ANKAR: variants seen among roughly 807,000 people sequenced by gnomAD.
The protein encoded by ANKAR is ankyrin and armadillo repeat containing, also known as ankyrin and armadillo repeat-containing protein.
Under a neutral mutation model 146.2 loss-of-function variants are expected in ANKAR, and 136 were observed. That is an observed-to-expected ratio of 0.93 (90% CI 0.81 to 1.07). The LOEUF (loss-of-function observed/expected upper bound fraction) is 1.07. Ranked by LOEUF, ANKAR falls within the 50% of genes least tolerant of loss-of-function variation. The pLI, the probability that ANKAR is intolerant of heterozygous loss-of-function variation, is 0.00. For synonymous variants in ANKAR, 500 were observed against 575.8 expected (o/e 0.87, Z 1.88); for missense variants, 1,567 against 1,679.9 (o/e 0.93, Z 1.18).
At chr2:189,720,856 C>G in intron 12 of ANKAR, 69 bp downstream of exon 12, 1 of 1,264,882 alleles carries the variant, frequency 7.9e-7, no homozygotes, top group Non-Finnish European at 1.0e-6. Context: ...TGGGATTGGA[C>G]TTGTCCTATA....
intron 5 of ANKAR, among the ~76,000 whole-genome samples, chr2:189,693,842 A>G (rs2036800319): frequency 6.6e-6 from 1 of 151,972 alleles, no homozygotes; most frequent in Non-Finnish European, 1.5e-5. Context: ...TACACCTCCT[A>G]GGTTCAAGTG....
At chr2:189,752,508 C>T (rs984163053) in intron 18 of ANKAR, 1 of 751,534 alleles carries the variant, frequency 1.3e-6, no homozygotes, top group African/African-American at 1.8e-5. Context: ...TGGTATCAAC[C>T]TTAACTAGGT....
rs2042318892 is a variant in ANKAR, at chr2:189,730,609, G to A, written c.3300+8G>A. ...CCTTCTCCTAACATTAAGGTATAAA[G>A]GTTTACATTGTTTTCTGATATGGTA... On this transcript the variant is annotated splice_region_variant and intron_variant, in intron 16 of 22. Transcript: ENST00000684021. 7 of 1,437,194 alleles carry A rather than the reference G, an allele frequency of 4.9e-6. No homozygotes were observed. Among genetic ancestry groups the A allele is most frequent in the Non-Finnish European group, 6.6e-6 (7 of 1,057,462 alleles). The allele number at this position is 1,437,194 out of a possible 1,614,324, so 89.0% of individuals were successfully genotyped here.
At chr2:189,735,011 A>C (rs1225094) in intron 17 of ANKAR, among the ~76,000 whole-genome samples, 2 of 149,578 alleles carry the variant, frequency 1.3e-5, no homozygotes, top group Non-Finnish European at 3.0e-5. Context: ...AGTAAAAAAA[A>C]ATATATATAT....
chr2:189,718,312 A>C (rs56994689), intron 10 of ANKAR, among the ~76,000 whole-genome samples: 13 of 49,862 alleles, frequency 2.6e-4, no homozygotes, highest in East Asian at 7.3e-4. Context: ...CTATCTATAT[A>C]TCTATCTGTC....
chr2:189,708,862 A>G (rs191900640), intron 9 of ANKAR, among the ~76,000 whole-genome samples: 2 of 152,260 alleles, frequency 1.3e-5, no homozygotes, highest in Admixed American at 1.3e-4. Context: ...TAAGGAAATT[A>G]TTAGGCCAAG....
rs1019209712 is a variant in ANKAR at position 189,689,767 on chromosome 2, A to G, written c.842A>G (p.Asp281Gly). ...NAIKYNQDYL[D>G]ICTYQRLQQR... Reference sequence around the variant, plus strand: ...ATAAAATATAATCAGGATTATCTTGATATCTGTACCTACCAGAGACTACAG... The same window carrying G: ...ATAAAATATAATCAGGATTATCTTGGTATCTGTACCTACCAGAGACTACAG... The change falls in exon 3 of 23, where the codon GAT becomes GGT. Residue 281 changes from aspartate (D) to glycine (G), a missense_variant. By Grantham distance (94) the Asp-to-Gly change is moderately conservative. Coordinates refer to ENST00000684021, the MANE Select transcript of ANKAR (RefSeq NM_001378068.1). 8.1e-6 allele frequency: 13 copies of G among 1,612,138 alleles called. No homozygotes were observed. The African/African-American group carries it at 1.7e-4, about 22-fold the overall frequency.
rs2033816079 is a variant in ANKAR at position 189,677,106 on chromosome 2, CA to C, written c.601+16del. 1 of 1,452,040 alleles carries C rather than the reference CA, an allele frequency of 6.9e-7. No individual in the cohort carries two copies. Among genetic ancestry groups the C allele is most frequent in the Admixed American group, 2.8e-5 (1 of 35,444 alleles). The allele number at this position is 1,452,040 out of a possible 1,614,324, so 89.9% of individuals were successfully genotyped here. The stretch of plus-strand genomic sequence containing the variant: ...TAGTTCAGCAGGTAAGAGAATTTAA[CA>C]CTTCTTAAATTTTTTTTTTTTTTTT... On this transcript the variant is annotated intron_variant, in intron 2 of 22. Transcript: ENST00000684021.
intron 8 of ANKAR, 60 bp downstream of exon 8, chr2:189,705,284 A>C: frequency 1.3e-6 from 2 of 1,509,460 alleles, no homozygotes; most frequent in Non-Finnish European, 1.8e-6. Flanking sequence ...ATAAAAAAAA[A>C]AGAAGAAAGA....
intron 18 of ANKAR, chr2:189,755,608 G>A: frequency 6.5e-7 from 1 of 1,543,810 alleles, no homozygotes; most frequent in African/African-American, 1.4e-5. Context: ...TTGTAAAAAT[G>A]AAGAAAAATG....
At position 189,676,783 on chromosome 2, in the gene ANKAR, G is replaced by A; in HGVS notation, c.293G>A (p.Arg98Lys). 6.2e-7 allele frequency: 1 copy of A among 1,614,168 alleles called. No homozygotes were observed. The highest frequency in any genetic ancestry group is 8.5e-7 in the Non-Finnish European group (1 of 1,180,034). ...PVDPTALLDYREVHQMIRELA... is the reference protein window; with the variant it reads ...PVDPTALLDYKEVHQMIRELA... ...GACCCTACTGCCCTCTTAGACTATA[G>A]AGAGGTCCATCAAATGATAAGAGAG... Residue 98 changes from arginine (R) to lysine (K), a missense_variant, in exon 2 of 23, where the codon AGA (arginine) becomes AAA (lysine). Coordinates refer to ENST00000684021, the MANE Select transcript of ANKAR (RefSeq NM_001378068.1).
At chr2:189,711,237 T>A in intron 10 of ANKAR, 84 bp downstream of exon 10, 1 of 1,077,484 alleles carries the variant, frequency 9.3e-7, no homozygotes, top group African/African-American at 1.7e-5. Context: ...AATATATTTT[T>A]AATTGTAAAG....
chr2:189,696,390 C>T, intron 7 of ANKAR, 21 bp downstream of exon 7: 1 of 1,596,532 alleles, frequency 6.3e-7, no homozygotes, highest in African/African-American at 1.4e-5. Context: ...GTTTTTTAAC[C>T]TAAAATGTTG....
intron 7 of ANKAR, among the ~76,000 whole-genome samples, chr2:189,700,508 A>G (rs761975772): frequency 1.1e-4 from 17 of 152,260 alleles, no homozygotes; most frequent in Non-Finnish European, 2.1e-4. Context: ...TAGAGTATCC[A>G]TCACCTCAAG....
At chr2:189,688,996 C>T (rs78255907) in intron 2 of ANKAR, among the ~76,000 whole-genome samples, 2,830 of 152,146 alleles carry the variant, frequency 0.019, 86 homozygotes, top group African/African-American at 0.064. Context: ...GTGAACGGGC[C>T]GTAATTCTTT....
At position 189,733,104 on chromosome 2, in the gene ANKAR, T is replaced by G; in HGVS notation, c.3301-3T>G. ...AAGTAATTTCTGAAAACCACATGTTTAGGTTGAAGTGGCATTTTCCTTGGC... is the reference window on the plus strand; with the variant it reads ...AAGTAATTTCTGAAAACCACATGTTGAGGTTGAAGTGGCATTTTCCTTGGC... On this transcript the variant is annotated splice_polypyrimidine_tract_variant and splice_region_variant and intron_variant, in intron 16 of 22. Transcript: ENST00000684021. 6.3e-7 allele frequency: 1 copy of G among 1,598,950 alleles called. No homozygotes were observed.
chr2:189,713,888 C>A (rs2040042495), intron 10 of ANKAR, among the ~76,000 whole-genome samples: 1 of 152,144 alleles, frequency 6.6e-6, no homozygotes, highest in African/African-American at 2.4e-5. Flanking sequence ...CAGAGACACA[C>A]ATAGGCTCAA....
rs780626410 is a variant in ANKAR at position 189,696,285 on chromosome 2, C to T, written c.1624C>T (p.Leu542=). The T allele has an allele frequency of 6.2e-6, 10 of 1,613,996 alleles. No individual in the cohort carries two copies. In the South Asian group the frequency reaches 1.1e-4, roughly 18 times the overall value. The change falls in exon 7 of 23, where the codon CTG becomes TTG. Residue 542 remains leucine, a synonymous_variant. Transcript: ENST00000684021. ...TTATACTATTTTTCATCATGCTGCC[C>T]TGCACAACAGAGTTTCTATTATATG... The part of the protein sequence containing the change: ...AGYTIFHHAA[L]HNRVSIICQL...
At chr2:189,751,930 G>A (rs2045327841) in intron 18 of ANKAR, among the ~76,000 whole-genome samples, 1 of 151,276 alleles carries the variant, frequency 6.6e-6, no homozygotes, top group Non-Finnish European at 1.5e-5. Context: ...TGGATCACTT[G>A]AGGCCTGGAG....
Sources: gnomAD v4.1 joint callset for allele counts (sites outside exome capture counted in the v4.1 genomes callset) on GRCh38, gnomAD v4.1.1 for gene constraint, MANE v1.5 for transcripts, NCBI Gene and HGNC (gene_info 2026-07-23, HGNC 2026-07-21) for gene names.